Variants in BICRA observed in about 807,000 individuals in gnomAD.
BICRA encodes the protein BRD4-interacting chromatin-remodeling complex-associated protein.
BICRA carries 31 observed loss-of-function variants against 96.9 expected under a neutral mutation model. The ratio of observed to expected loss-of-function variants is 0.32; its 90% CI spans 0.24 to 0.43. The LOEUF (loss-of-function observed/expected upper bound fraction) is 0.43. Among genes scored for constraint, BICRA ranks in the 20% least tolerant of loss-of-function variants. The pLI, the probability that BICRA is intolerant of heterozygous loss-of-function variation, is 1.00. For synonymous variants in BICRA, 1,350 were observed against 1,071.8 expected (o/e 1.26, Z -5.07); for missense variants, 2,283 against 2,190.3 (o/e 1.04, Z -0.84).
intron 1 of BICRA, among the ~76,000 whole-genome samples, chr19:47,622,085 G>C (rs1972073359): frequency 6.6e-6 from 1 of 151,914 alleles, no homozygotes; most frequent in African/African-American, 2.4e-5. Flanking sequence ...TCCTGCCTCA[G>C]CCTCCCGAGT....
At chr19:47,610,428 G>C (rs1375859368) in intron 1 of BICRA, among the ~76,000 whole-genome samples, 1 of 152,180 alleles carries the variant, frequency 6.6e-6, no homozygotes, top group African/African-American at 2.4e-5. Context: ...TCCTCTCCGC[G>C]CCCCTTTGTT....
intron 7 of BICRA, 83 bp from the exon 8 acceptor site, chr19:47,694,032 G>T (rs1304411500): frequency 4.2e-6 from 6 of 1,424,626 alleles, no homozygotes; most frequent in Non-Finnish European, 4.6e-6. Context: ...GGGGATGGCT[G>T]GGGACCCCAG....
rs1973489480 is a variant in BICRA at position 47,702,778 on chromosome 19, C to T, written c.*363C>T. The T allele has an allele frequency of 3.6e-6, 1 of 281,386 alleles. No homozygotes were observed. The highest frequency in any genetic ancestry group is 4.9e-5 in the South Asian group (1 of 20,436). 17.4% of individuals were successfully genotyped at this position (281,386 alleles called of 1,614,324 possible). On this transcript the variant is annotated 3_prime_UTR_variant, in exon 15 of 15. Coordinates refer to ENST00000594866, the MANE Select transcript of BICRA (RefSeq NM_001394372.1). ...GGGTTGATGCCAACGCTCCGGGTGCCTGTCTTGTCTGTGTGGCTTCTCAGA... is the reference window on the plus strand; with the variant it reads ...GGGTTGATGCCAACGCTCCGGGTGCTTGTCTTGTCTGTGTGGCTTCTCAGA...
Position 47,701,547 on chromosome 19 carries a change from C to T in BICRA, c.3815C>T (p.Ser1272Phe). The T allele has an allele frequency of 6.5e-7, 1 of 1,535,338 alleles. No individual in the cohort carries two copies. The highest frequency in any genetic ancestry group is 8.8e-7 in the Non-Finnish European group (1 of 1,134,966). ...ARASSSLSSS[S>F]SSSSAASSLD... Reference sequence around the variant, plus strand: ...GCGTCCTCCTCCCTGTCCTCCTCTTCCTCCTCCTCCTCTGCCGCCTCCTCC... The same window carrying T: ...GCGTCCTCCTCCCTGTCCTCCTCTTTCTCCTCCTCCTCTGCCGCCTCCTCC... Residue 1272 changes from serine (S) to phenylalanine (F), a missense_variant, in exon 15 of 15, where the codon TCC (serine) becomes TTC (phenylalanine). Transcript: ENST00000594866. This position sits in a 1 kb window ranked among gnomAD's most constrained non-coding sequence, Gnocchi z 5.4.
intron 7 of BICRA, among the ~76,000 whole-genome samples, chr19:47,687,866 T>C (rs1973183208): frequency 6.6e-6 from 1 of 151,010 alleles, no homozygotes; most frequent in Non-Finnish European, 1.5e-5. Flanking sequence ...CACACAGGTA[T>C]GAAAGTACTT....
intron 1 of BICRA, among the ~76,000 whole-genome samples, chr19:47,667,639 C>G (rs1291652346): frequency 6.6e-6 from 1 of 152,174 alleles, no homozygotes; most frequent in Non-Finnish European, 1.5e-5. Context: ...CTTGCGACAT[C>G]TGCTTTCTAG....
chr19:47,624,428 A>G (rs1248146419), intron 1 of BICRA, among the ~76,000 whole-genome samples: 1 of 152,218 alleles, frequency 6.6e-6, no homozygotes, highest in Non-Finnish European at 1.5e-5. Context: ...TCCAGTGGAT[A>G]CAAAAGTTAC....
At chr19:47,659,887 C>T (rs1383513854) in intron 1 of BICRA, among the ~76,000 whole-genome samples, 1 of 152,034 alleles carries the variant, frequency 6.6e-6, no homozygotes, top group East Asian at 1.9e-4. Flanking sequence ...GTAGCTGGGA[C>T]CACAGGTGCA....
At chr19:47,663,258 C>T (rs2974194) in intron 1 of BICRA, 58,499 of 152,034 alleles carry the variant, frequency 0.38, 11,416 homozygotes, top group Middle Eastern at 0.43. Context: ...TGTGGTGGCA[C>T]GTGCCTCTAA....
rs923356344 is a variant in BICRA at position 47,680,236 on chromosome 19, G to T, written c.1066G>T (p.Ala356Ser). Residue 356 changes from alanine (A) to serine (S), a missense_variant, in exon 6 of 15, where the codon GCG becomes TCG. Ala to Ser is a moderately conservative substitution (Grantham distance 99). Coordinates refer to ENST00000594866, the MANE Select transcript of BICRA (RefSeq NM_001394372.1). ...ACCCACGCCCATCCAGCCCAAGCCC[G>T]CGGGGGTGCTGCCGCCCAAGCTCTA... ...RTPTPIQPKP[A>S]GVLPPKLYQL... The T allele has an allele frequency of 1.3e-6, 2 of 1,559,998 alleles. No individual in the cohort carries two copies. The highest frequency in any genetic ancestry group is 1.4e-5 in the African/African-American group (1 of 73,366).
intron 1 of BICRA, among the ~76,000 whole-genome samples, chr19:47,621,614 C>T (rs1972065900): frequency 6.7e-6 from 1 of 150,164 alleles, no homozygotes; most frequent in Non-Finnish European, 1.5e-5. Context: ...GCTGGGATTA[C>T]GGGCACATGC....
chr19:47,695,025 TG>T lies in BICRA; in HGVS notation c.3024del (p.Thr1009ProfsTer37). The T allele has an allele frequency of 6.6e-7, 1 of 1,508,296 alleles. No individual in the cohort carries two copies. The highest frequency in any genetic ancestry group is 8.8e-7 in the Non-Finnish European group (1 of 1,139,530). The allele number at this position is 1,508,296 out of a possible 1,614,324, so 93.4% of individuals were successfully genotyped here. A position where few individuals can be genotyped will look rare whatever the true frequency, so the allele number is the denominator to read the frequency against. ...TGCTGGTCAGTGGGCAGGCCCCATC[TG>T]GGACCCCCACTGCCCCCAGCCACGC... is the stretch of plus-strand genomic sequence containing the variant. ...SVLVSGQAPS[G>X]TPTAPSHAPA... On this transcript the variant is annotated frameshift_variant, in exon 9 of 15. Coordinates refer to ENST00000594866, the MANE Select transcript of BICRA (RefSeq NM_001394372.1). LOFTEE classifies it high-confidence loss of function.
Position 47,694,504 on chromosome 19 carries a change from C to T in BICRA, c.2673C>T (p.Ser891=), listed in dbSNP as rs199891416. Residue 891 remains serine (S), a synonymous_variant, in exon 8 of 15, where the codon TCC becomes TCT. Transcript: ENST00000594866. ...CCACCTCCTCTGCTGTGGCCTCCTCCTCTGAGACGTCCTCCAGGTTGCCAG... is the reference window on the plus strand; with the variant it reads ...CCACCTCCTCTGCTGTGGCCTCCTCTTCTGAGACGTCCTCCAGGTTGCCAG... The part of the protein sequence containing the change: ...PSSTSSAVAS[S]SETSSRLPAP... 1.9e-6 allele frequency: 3 copies of T among 1,601,630 alleles called. No individual in the cohort carries two copies. The highest frequency in any genetic ancestry group is 2.2e-5 in the South Asian group (2 of 90,302).
rs1413873502 is a variant in BICRA at position 47,702,311 on chromosome 19, G to A, written c.4579G>A (p.Ala1527Thr). 4 of 1,571,296 alleles carry A rather than the reference G, an allele frequency of 2.5e-6. No individual in the cohort carries two copies. The highest frequency in any genetic ancestry group is 2.6e-6 in the Non-Finnish European group (3 of 1,167,124). Residue 1527 changes from alanine to threonine, a missense_variant, in exon 15 of 15, where the codon GCC (alanine) becomes ACC (threonine). Transcript: ENST00000594866. ...GCCCGCGCCCTCGTACCCCCACGCT[G>A]CCTCGGCCGGCACCCCCGCATCCCC... ...RTPAPSYPHA[A>T]SAGTPASPPP...
chr19:47,617,140 A>ATATTT (rs1372597617), intron 1 of BICRA, among the ~76,000 whole-genome samples: 3 of 151,808 alleles, frequency 2.0e-5, no homozygotes, highest in Non-Finnish European at 4.4e-5. Context: ...TTATTTTTAA[A>ATATTT]TATTTTATTT....
chr19:47,685,786 T>TGTGTGTGTGCGCGCGCGCGCGC, intron 7 of BICRA, among the ~76,000 whole-genome samples: 35 of 117,960 alleles, frequency 3.0e-4, no homozygotes, highest in East Asian at 1.7e-3. Context: ...TGTGTGTGTG[T>TGTGTGTGTGCGCGCGCGCGCGC]GCGCGCGCGC....
At chr19:47,616,395 G>T (rs1430238309) in intron 1 of BICRA, among the ~76,000 whole-genome samples, 1 of 152,170 alleles carries the variant, frequency 6.6e-6, no homozygotes, top group Non-Finnish European at 1.5e-5. Flanking sequence ...CCAGCACTTT[G>T]GGAGGCCAAG....
At chr19:47,611,861 TGGTG>T (rs2123500627) in intron 1 of BICRA, among the ~76,000 whole-genome samples, 1 of 152,060 alleles carries the variant, frequency 6.6e-6, no homozygotes, top group Non-Finnish European at 1.5e-5. Context: ...GAATGTCAAC[TGGTG>T]GCATTTAATT....
chr19:47,693,437 G>C (rs958199707), intron 7 of BICRA, among the ~76,000 whole-genome samples: 1 of 152,214 alleles, frequency 6.6e-6, no homozygotes, highest in Non-Finnish European at 1.5e-5. Context: ...CAGGCACACA[G>C]AGGCAGGTGC....
Sources: allele counts gnomAD v4.1 joint callset (sites outside exome capture counted in the v4.1 genomes callset), GRCh38; gene constraint gnomAD v4.1.1; non-coding constraint Gnocchi (gnomAD v3.1); transcripts MANE v1.5; gene names NCBI Gene and HGNC (gene_info 2026-07-23, HGNC 2026-07-21).